EIF4E3: variants seen among roughly 807,000 people sequenced by gnomAD.
EIF4E3 encodes the protein eukaryotic translation initiation factor 4E type 3.
Under a neutral mutation model 31.7 loss-of-function variants are expected in EIF4E3, and 26 were observed. That is an observed-to-expected ratio of 0.82 (90% CI 0.60 to 1.14). The LOEUF is 1.14. Among genes scored for constraint, EIF4E3 ranks in the 50% most tolerant of loss-of-function variants. EIF4E3 has a pLI of 0.00. For missense variants in EIF4E3, 304 were observed against 270.9 expected (o/e 1.12, Z -0.86); for synonymous variants, 128 against 107.7 (o/e 1.19, Z -1.17).
intron 1 of EIF4E3, among the ~76,000 whole-genome samples, chr3:71,750,148 T>A (rs751546022): frequency 3.3e-5 from 5 of 152,222 alleles, no homozygotes. Context: ...TTCTTTTGTG[T>A]CCTTTTCTGA....
chr3:71,747,921 CATAAAG>C (rs1339180747), intron 1 of EIF4E3, among the ~76,000 whole-genome samples: 5 of 152,172 alleles, frequency 3.3e-5, no homozygotes, highest in African/African-American at 9.7e-5. Context: ...TACATATACA[CATAAAG>C]ATATTCAGTT....
At chr3:71,718,533 A>T (rs898754849) in intron 1 of EIF4E3, among the ~76,000 whole-genome samples, 7 of 152,220 alleles carry the variant, frequency 4.6e-5, no homozygotes, top group African/African-American at 1.7e-4. Flanking sequence ...TGGGTAGAGA[A>T]GTACAGCAGT....
chr3:71,719,661 G>A (rs995528545), intron 1 of EIF4E3, among the ~76,000 whole-genome samples: 4 of 152,194 alleles, frequency 2.6e-5, no homozygotes, highest in African/African-American at 4.8e-5. Context: ...GTAGTCTGAC[G>A]TGACCAGGAA....
intron 2 of EIF4E3, among the ~76,000 whole-genome samples, chr3:71,709,340 C>T (rs768178511): frequency 5.9e-5 from 9 of 152,186 alleles, no homozygotes; most frequent in Non-Finnish European, 1.3e-4. Context: ...TGGGTAGAAC[C>T]TGCTATTGAA....
chr3:71,704,221 G>T (rs1374540430), intron 2 of EIF4E3, among the ~76,000 whole-genome samples: 4 of 152,180 alleles, frequency 2.6e-5, no homozygotes, highest in Admixed American at 6.5e-5. Context: ...CACATAGAAA[G>T]TTAGTAAAAA....
At position 71,683,578 on chromosome 3, in the gene EIF4E3, CAT is replaced by C. The variant is rs1452875267; in HGVS notation, c.*1102_*1103del. ...ATATATATCAACAATCCCAATAATT[CAT>C]ATGAGCAGAATGCACTCAAAGTTCA... On this transcript the variant is annotated 3_prime_UTR_variant, in exon 7 of 7. Coordinates refer to ENST00000425534, the MANE Select transcript of EIF4E3 (RefSeq NM_001134651.2). 9.2e-5 allele frequency: 14 copies of C among 152,304 alleles called. No individual in the cohort carries two copies. The highest frequency in any genetic ancestry group is 8.3e-4 in the South Asian group (4 of 4,826). 9.4% of individuals were successfully genotyped at this position (152,304 alleles called of 1,614,324 possible).
chr3:71,671,305 G>A (rs2048845993), downstream of EIF4E3, among the ~76,000 whole-genome samples: 1 of 152,064 alleles, frequency 6.6e-6, no homozygotes, highest in Admixed American at 6.5e-5. Context: ...TCCCTACCGG[G>A]TGAGCAGGAG....
upstream of EIF4E3, chr3:71,753,936 G>T (rs2049967934): frequency 2.0e-6 from 2 of 1,010,570 alleles, no homozygotes. Context: ...AGCCCCGCAG[G>T]ACGGGGAGCT....
intron 1 of EIF4E3, among the ~76,000 whole-genome samples, chr3:71,737,737 G>A (rs980214250): frequency 3.3e-5 from 5 of 152,056 alleles, no homozygotes; most frequent in Admixed American, 3.3e-4. Flanking sequence ...ACCGGCCTGG[G>A]TAGCATAGCA....
upstream of EIF4E3, chr3:71,729,263 CCTAA>C (rs1232222824): frequency 1.3e-5 from 2 of 152,222 alleles, no homozygotes; most frequent in Non-Finnish European, 2.9e-5. Context: ...AGGCAGGGGT[CCTAA>C]CTCAGTCTCC....
chr3:71,748,189 T>C (rs1297158140), intron 1 of EIF4E3, among the ~76,000 whole-genome samples: 2 of 129,848 alleles, frequency 1.5e-5, no homozygotes, highest in East Asian at 4.3e-4. Flanking sequence ...TTGAACTGCA[T>C]GGGTTGGTTT....
At chr3:71,711,348 A>G (rs1456454992) in intron 1 of EIF4E3, among the ~76,000 whole-genome samples, 1 of 152,254 alleles carries the variant, frequency 6.6e-6, no homozygotes, top group Non-Finnish European at 1.5e-5. Context: ...CAAATAATGC[A>G]TGAAAGCCCA....
intron 1 of EIF4E3, among the ~76,000 whole-genome samples, chr3:71,722,011 G>C (rs771194306): frequency 6.7e-6 from 1 of 148,674 alleles, no homozygotes; most frequent in African/African-American, 2.5e-5. Flanking sequence ...AGAAGGGAGA[G>C]TGACAAGGGA....
At chr3:71,705,772 G>A (rs998019408) in intron 2 of EIF4E3, among the ~76,000 whole-genome samples, 10 of 152,108 alleles carry the variant, frequency 6.6e-5, no homozygotes, top group African/African-American at 2.4e-4. Context: ...GGTAAAACAG[G>A]GCTTGTTCAA....
At chr3:71,731,524 G>T (rs1214851431) in intron 1 of EIF4E3, among the ~76,000 whole-genome samples, 1 of 152,200 alleles carries the variant, frequency 6.6e-6, no homozygotes, top group Admixed American at 6.5e-5. Flanking sequence ...CAGTCCAAGT[G>T]GGGAGGGCCA....
intron 1 of EIF4E3, among the ~76,000 whole-genome samples, chr3:71,745,190 A>C (rs1314806465): frequency 1.3e-5 from 2 of 152,258 alleles, no homozygotes; most frequent in Non-Finnish European, 2.9e-5. Context: ...AATTCTGCAA[A>C]TGAAAGGGTC....
At chr3:71,698,655 C>T (rs930085848) in intron 3 of EIF4E3, among the ~76,000 whole-genome samples, 3 of 152,206 alleles carry the variant, frequency 2.0e-5, no homozygotes, top group African/African-American at 7.2e-5. Flanking sequence ...TGAAAGGGGA[C>T]TCAAAGTGGG....
chr3:71,686,462 T>C (rs2048992690), intron 6 of EIF4E3, among the ~76,000 whole-genome samples: 1 of 151,992 alleles, frequency 6.6e-6, no homozygotes. Context: ...AGGTTGGCCA[T>C]ACTCCTAAGG....
At chr3:71,701,444 TGAA>T (rs2049215439) in intron 2 of EIF4E3, among the ~76,000 whole-genome samples, 1 of 152,174 alleles carries the variant, frequency 6.6e-6, no homozygotes, top group Admixed American at 6.5e-5. Context: ...ATTGAGGCTA[TGAA>T]GAAGAAAACA....
Sources: allele counts gnomAD v4.1 joint callset (sites outside exome capture counted in the v4.1 genomes callset), GRCh38; gene constraint gnomAD v4.1.1; transcripts MANE v1.5; gene names NCBI Gene and HGNC (gene_info 2026-07-23, HGNC 2026-07-21).